Variants in LYPLA1 observed in about 807,000 individuals in gnomAD.
LYPLA1 encodes the protein lysophospholipase 1.
A neutral mutation model predicts 34.0 loss-of-function variants in LYPLA1; 17 were observed. The observed-to-expected ratio is 0.50, with a 90% CI of 0.34 to 0.75. LYPLA1 has a LOEUF of 0.75. Ranked by LOEUF, LYPLA1 falls within the 30% of genes least tolerant of loss-of-function variation. The pLI, the probability that LYPLA1 is intolerant of heterozygous loss-of-function variation, is 0.01. For missense variants in LYPLA1, 203 were observed against 288.8 expected (o/e 0.70, Z 2.15); for synonymous variants, 98 against 100.8 (o/e 0.97, Z 0.17).
rs184876816 is a variant in LYPLA1 at position 54,048,146 on chromosome 8, T to C, written c.640-28A>G. On this transcript the variant is annotated intron_variant, in intron 8 of 8. Coordinates refer to ENST00000316963, the MANE Select transcript of LYPLA1 (RefSeq NM_006330.4). Reference sequence around the variant, plus strand: ...GTTTGGAATAAAGTAATTTAATAGGTAGGTAGTTATGTAAGTCAGAAATTA... The same window carrying C: ...GTTTGGAATAAAGTAATTTAATAGGCAGGTAGTTATGTAAGTCAGAAATTA... 13 of 1,422,902 alleles carry C rather than the reference T, an allele frequency of 9.1e-6. No homozygotes were observed. In the African/African-American group the frequency reaches 1.3e-4, roughly 14 times the overall value. The allele number at this position is 1,422,902 out of a possible 1,614,324, so 88.1% of individuals were successfully genotyped here.
rs1228218732 is a variant in LYPLA1, at chr8:54,101,926, G to A, written c.-103C>T. 3.5e-6 allele frequency: 2 copies of A among 566,828 alleles called. No homozygotes were observed. Among genetic ancestry groups the A allele is most frequent in the Non-Finnish European group, 4.8e-6 (2 of 415,864 alleles). 35.1% of individuals were successfully genotyped at this position (566,828 alleles called of 1,614,324 possible). ...TCCCGGCCGGCCCCACCGGGCGCAC[G>A]CTCAGGCGCGTGCGCGCCAACGCGG... On this transcript the variant is annotated 5_prime_UTR_variant, in exon 1 of 9. Coordinates refer to ENST00000316963, the MANE Select transcript of LYPLA1 (RefSeq NM_006330.4).
At chr8:54,095,534 AT>A (rs1387803578) in intron 2 of LYPLA1, among the ~76,000 whole-genome samples, 1 of 152,086 alleles carries the variant, frequency 6.6e-6, no homozygotes, top group Non-Finnish European at 1.5e-5. Flanking sequence ...CATATGTTAT[AT>A]TTATTATTTT....
chr8:54,086,438 T>TAAAAAAAA (rs768755796), intron 2 of LYPLA1, among the ~76,000 whole-genome samples: 8 of 34,692 alleles, frequency 2.3e-4, no homozygotes, highest in East Asian at 2.0e-3. Context: ...CTAAAAAAAT[T>TAAAAAAAA]AAAAAAAAAA....
At chr8:54,081,435 G>GA (rs113250610) in intron 2 of LYPLA1, among the ~76,000 whole-genome samples, 12,716 of 146,948 alleles carry the variant, frequency 0.087, 1,289 homozygotes, top group African/African-American at 0.25. Context: ...ACATGTTGAA[G>GA]AAAAAAAAAA....
chr8:54,061,361 G>A (rs890958193), intron 5 of LYPLA1, among the ~76,000 whole-genome samples: 3 of 152,204 alleles, frequency 2.0e-5, no homozygotes, highest in African/African-American at 7.2e-5. Flanking sequence ...GATTAAAGGC[G>A]TGAGCCACCA....
Position 54,047,462 on chromosome 8 carries a change from C to G in LYPLA1, c.*603G>C, listed in dbSNP as rs1291847158. The G allele has an allele frequency of 6.6e-6, 1 of 151,790 alleles. No homozygotes were observed. Among genetic ancestry groups the G allele is most frequent in the Admixed American group, 6.6e-5 (1 of 15,222 alleles). 9.4% of individuals were successfully genotyped at this position (151,790 alleles called of 1,614,324 possible). A position where few individuals can be genotyped will look rare whatever the true frequency, so the allele number is the denominator to read the frequency against. ...GAAATAATATCAGGGAAAATAAAAG[C>G]CTGGTCCCAAAATAAAAGGGCCATT... is the stretch of plus-strand genomic sequence containing the variant. On this transcript the variant is annotated 3_prime_UTR_variant, in exon 9 of 9. Transcript: ENST00000316963.
chr8:54,066,780 CA>C (rs983956740), intron 2 of LYPLA1, among the ~76,000 whole-genome samples: 7 of 141,394 alleles, frequency 5.0e-5, no homozygotes, highest in Non-Finnish European at 9.2e-5. Flanking sequence ...GACTCCATCT[CA>C]AAAAAAAAGA....
chr8:54,091,357 G>A lies in LYPLA1; in HGVS notation c.101+9551C>T, dbSNP rs1809233639. 2.6e-5 allele frequency among the ~76,000 whole-genome samples: 4 copies of A among 151,832 alleles called. No homozygotes were observed. The South Asian group carries it at 6.2e-4, about 24-fold the overall frequency. ...ACAAAAATTAGCCGGGCACAGTGGC[G>A]GGCACCTGTAATCCCAGCTACTCAG... is the stretch of plus-strand genomic sequence containing the variant. On this transcript the variant is annotated intron_variant, in intron 2 of 8. Transcript: ENST00000316963.
intron 6 of LYPLA1, chr8:54,054,587 C>T (rs1226367740): frequency 6.6e-6 from 1 of 152,464 alleles, no homozygotes; most frequent in Non-Finnish European, 1.5e-5. Flanking sequence ...GCCGCAGTAG[C>T]CATGAAAGAA....
downstream of LYPLA1, among the ~76,000 whole-genome samples, chr8:54,044,079 A>C (rs1295520087): frequency 6.6e-6 from 1 of 151,672 alleles, no homozygotes; most frequent in Non-Finnish European, 1.5e-5. Context: ...TTTAGTAGAG[A>C]TGGGGTTTTA....
chr8:54,087,510 A>C (rs556500889), intron 2 of LYPLA1, among the ~76,000 whole-genome samples: 1 of 152,360 alleles, frequency 6.6e-6, no homozygotes, highest in African/African-American at 2.4e-5. Context: ...AAACAAACAA[A>C]CAAACATAAA....
intron 2 of LYPLA1, among the ~76,000 whole-genome samples, chr8:54,098,473 G>A (rs976910925): frequency 6.6e-6 from 1 of 152,170 alleles, no homozygotes; most frequent in Non-Finnish European, 1.5e-5. Flanking sequence ...GAGGTCAGGA[G>A]TTCAAGACCA....
At chr8:54,051,329 C>T in intron 7 of LYPLA1, 141 bp from the exon 8 acceptor site, 1 of 641,940 alleles carries the variant, frequency 1.6e-6, no homozygotes, top group Admixed American at 3.1e-5. Flanking sequence ...ATTCCTTCAT[C>T]CATATACTCA....
At chr8:54,066,065 T>G (rs1807046845) in intron 2 of LYPLA1, among the ~76,000 whole-genome samples, 1 of 152,152 alleles carries the variant, frequency 6.6e-6, no homozygotes, top group African/African-American at 2.4e-5. Context: ...GCCTCCCAAG[T>G]AGCCGGGACT....
chr8:54,060,414 C>T (rs982688104), intron 5 of LYPLA1, among the ~76,000 whole-genome samples: 2 of 152,116 alleles, frequency 1.3e-5, no homozygotes, highest in South Asian at 4.2e-4. Flanking sequence ...TGTGAGCCAC[C>T]GTGCCCGGCC....
At chr8:54,066,283 C>T (rs1458479101) in intron 2 of LYPLA1, among the ~76,000 whole-genome samples, 2 of 152,026 alleles carry the variant, frequency 1.3e-5, no homozygotes, top group Non-Finnish European at 2.9e-5. Context: ...TAAAACAACA[C>T]CATGAATCTA....
At chr8:54,058,737 C>T (rs985026259) in intron 5 of LYPLA1, among the ~76,000 whole-genome samples, 2 of 151,786 alleles carry the variant, frequency 1.3e-5, no homozygotes, top group African/African-American at 4.8e-5. Context: ...CGCCACCACG[C>T]CCAGCTAATT....
intron 1 of LYPLA1, 133 bp downstream of exon 1, chr8:54,101,622 G>T: frequency 8.7e-7 from 1 of 1,144,232 alleles, no homozygotes; most frequent in Non-Finnish European, 1.1e-6. Flanking sequence ...CGGACCATTC[G>T]CACCCCACCC....
intron 3 of LYPLA1, 70 bp from the exon 4 acceptor site, chr8:54,063,445 A>G (rs1806808872): frequency 2.1e-6 from 2 of 951,886 alleles, no homozygotes; most frequent in Admixed American, 2.6e-5. Flanking sequence ...CCATTAATCA[A>G]AAACAGATAA....
Sources: allele counts gnomAD v4.1 joint callset (sites outside exome capture counted in the v4.1 genomes callset), GRCh38; gene constraint gnomAD v4.1.1; transcripts MANE v1.5; gene names NCBI Gene and HGNC (gene_info 2026-07-23, HGNC 2026-07-21).